CNTNAP2: variants seen among roughly 807,000 people sequenced by gnomAD.
The protein encoded by CNTNAP2 is contactin associated protein 2.
Under a neutral mutation model 155.2 loss-of-function variants are expected in CNTNAP2, and 98 were observed. That is an observed-to-expected ratio of 0.63 (90% CI 0.54 to 0.75). CNTNAP2 has a LOEUF of 0.75. Ranked by LOEUF, CNTNAP2 falls within the 30% of genes least tolerant of loss-of-function variation. CNTNAP2 has a pLI of 0.00. For synonymous variants in CNTNAP2, 651 were observed against 631.2 expected, an observed-to-expected ratio of 1.03 and a Z score of -0.47; for missense variants, 1,727 against 1,688.1, an observed-to-expected ratio of 1.02 and a Z score of -0.40.
intron 1 of CNTNAP2, among the ~76,000 whole-genome samples, chr7:146,440,077 T>A (rs1221720690): frequency 1.3e-5 from 2 of 151,636 alleles, no homozygotes; most frequent in Non-Finnish European, 1.5e-5. Flanking sequence ...TGAGCTGAGG[T>A]TGTGCCACTG....
chr7:146,529,195 A>C lies in CNTNAP2; in HGVS notation c.98-245076A>C, dbSNP rs191552434. 4.3e-4 allele frequency among the ~76,000 whole-genome samples: 65 copies of C among 152,308 alleles called. 1 individual carries two copies. The East Asian group carries it at 0.012, about 27-fold the overall frequency. ...CAGTCTATAGCATGTGGTCCCACTT[A>C]TGAGAAACTTCGTGTTTATTTGTTC... On this transcript the variant is annotated intron_variant, in intron 1 of 23. Coordinates refer to ENST00000361727, the MANE Select transcript of CNTNAP2 (RefSeq NM_014141.6).
chr7:146,246,122 A>C (rs981456107), intron 1 of CNTNAP2, among the ~76,000 whole-genome samples: 1 of 151,604 alleles, frequency 6.6e-6, no homozygotes, highest in South Asian at 2.1e-4. Flanking sequence ...ATGCTATGGG[A>C]TGTGATATTG....
chr7:146,674,131 G>T (rs1347235845), intron 1 of CNTNAP2, among the ~76,000 whole-genome samples: 1 of 152,098 alleles, frequency 6.6e-6, no homozygotes, highest in Non-Finnish European at 1.5e-5. Context: ...GTAACTATCA[G>T]CTACAACTAC....
chr7:146,732,385 T>A (rs760861299), intron 1 of CNTNAP2, among the ~76,000 whole-genome samples: 2 of 152,164 alleles, frequency 1.3e-5, no homozygotes, highest in African/African-American at 4.8e-5. Context: ...AACTTGAAAT[T>A]TATCGTGTAC....
At chr7:148,105,641 G>T (rs759796617) in intron 15 of CNTNAP2, among the ~76,000 whole-genome samples, 2 of 151,170 alleles carry the variant, frequency 1.3e-5, no homozygotes, top group African/African-American at 2.4e-5. Context: ...AGGCTGGAGC[G>T]CAATGGCACA....
intron 1 of CNTNAP2, among the ~76,000 whole-genome samples, chr7:146,628,102 G>T: frequency 6.6e-6 from 1 of 152,044 alleles, no homozygotes; most frequent in East Asian, 1.9e-4. Flanking sequence ...TGTTCATATG[G>T]GATATCTTTT....
At chr7:147,110,954 G>C (rs1380351784) in intron 5 of CNTNAP2, among the ~76,000 whole-genome samples, 1 of 152,166 alleles carries the variant, frequency 6.6e-6, no homozygotes, top group Non-Finnish European at 1.5e-5. Context: ...TCTTCACGCT[G>C]TCTTCCACAA....
chr7:146,879,118 G>T (rs112439589), intron 3 of CNTNAP2, among the ~76,000 whole-genome samples: 4,606 of 152,258 alleles, frequency 0.03, 95 homozygotes, highest in Non-Finnish European at 0.043. Context: ...TTCATAGGTT[G>T]ACTGAGGCAG....
At chr7:147,430,735 G>A (rs1475316593) in intron 10 of CNTNAP2, among the ~76,000 whole-genome samples, 1 of 152,062 alleles carries the variant, frequency 6.6e-6, no homozygotes, top group Non-Finnish European at 1.5e-5. Context: ...AGGGTGCAGA[G>A]AAACATTCCC....
chr7:146,844,895 G>T (rs1001628050), intron 3 of CNTNAP2, among the ~76,000 whole-genome samples: 2 of 152,050 alleles, frequency 1.3e-5, no homozygotes, highest in Non-Finnish European at 2.9e-5. Flanking sequence ...TGTTACCACT[G>T]CATCTATTAA....
chr7:147,093,717 T>C (rs1368300901), intron 4 of CNTNAP2, among the ~76,000 whole-genome samples: 1 of 152,164 alleles, frequency 6.6e-6, no homozygotes, highest in Non-Finnish European at 1.5e-5. Flanking sequence ...ACATCAATTT[T>C]AAATTCTAAC....
chr7:146,586,177 G>T (rs1280360218), intron 1 of CNTNAP2, among the ~76,000 whole-genome samples: 1 of 152,080 alleles, frequency 6.6e-6, no homozygotes, highest in Non-Finnish European at 1.5e-5. Context: ...TACACATTAA[G>T]ATTTAGTTTG....
chr7:148,131,296 A>T (rs375968157), intron 16 of CNTNAP2, among the ~76,000 whole-genome samples: 2 of 151,430 alleles, frequency 1.3e-5, no homozygotes, highest in African/African-American at 4.8e-5. Flanking sequence ...ACAGGTTTTC[A>T]CTGTGTTGGC....
chr7:146,935,152 A>T (rs986675286), intron 3 of CNTNAP2, among the ~76,000 whole-genome samples: 1 of 152,154 alleles, frequency 6.6e-6, no homozygotes, highest in Non-Finnish European at 1.5e-5. Context: ...TCAGAAGAAG[A>T]TGGCATCCTT....
chr7:147,711,594 CCACAGACCTAAAAGAAAACAGCTGCCAGA>C (rs1796401012), intron 13 of CNTNAP2, among the ~76,000 whole-genome samples: 1 of 152,152 alleles, frequency 6.6e-6, no homozygotes, highest in African/African-American at 2.4e-5. Context: ...GCTGCAGTCC[CCACAGACCTAAAAGAAAACAGCTGCCAGA>C]GCAGCCATTT....
chr7:146,547,914 ACCATGCATGGGCTCCATAT>A (rs922495316), intron 1 of CNTNAP2, among the ~76,000 whole-genome samples: 4 of 151,340 alleles, frequency 2.6e-5, no homozygotes, highest in African/African-American at 9.7e-5. Context: ...TCCTACCAAT[ACCATGCATGGGCTCCATAT>A]CCTCACAGAC....
chr7:146,996,416 G>A (rs766162344), intron 3 of CNTNAP2, among the ~76,000 whole-genome samples: 22 of 151,974 alleles, frequency 1.4e-4, no homozygotes, highest in African/African-American at 3.1e-4. Flanking sequence ...AATTTTCAGC[G>A]TAGAGATCTT....
chr7:146,756,126 T>C (rs1311052091), intron 1 of CNTNAP2, among the ~76,000 whole-genome samples: 1 of 152,000 alleles, frequency 6.6e-6, no homozygotes, highest in Non-Finnish European at 1.5e-5. Context: ...TCCGTTGGTT[T>C]ACATGAATGC....
At chr7:147,769,289 C>G (rs1181072923) in intron 13 of CNTNAP2, among the ~76,000 whole-genome samples, 6 of 152,076 alleles carry the variant, frequency 3.9e-5, no homozygotes, top group Non-Finnish European at 8.8e-5. Context: ...GAATTCGCCC[C>G]TTCTGAACAG....
Sources: allele counts gnomAD v4.1 joint callset (sites outside exome capture counted in the v4.1 genomes callset), GRCh38; gene constraint gnomAD v4.1.1; transcripts MANE v1.5; gene names NCBI Gene and HGNC (gene_info 2026-07-23, HGNC 2026-07-21).